Variants in SNTG1 observed in about 807,000 individuals in gnomAD.
SNTG1 encodes the protein gamma-1-syntrophin.
Under a neutral mutation model 74.7 loss-of-function variants are expected in SNTG1, and 39 were observed. That is an observed-to-expected ratio of 0.52 (90% confidence interval 0.40 to 0.68). SNTG1 has a LOEUF of 0.68. SNTG1 is among the 30% of genes least tolerant of loss of function. The pLI, the probability that SNTG1 is intolerant of heterozygous loss-of-function variation, is 0.00. For synonymous variants in SNTG1, 254 were observed against 217.1 expected, an observed-to-expected ratio of 1.17 and a Z score of -1.49; for missense variants, 685 against 609.5, an observed-to-expected ratio of 1.12 and a Z score of -1.30.
At chr8:50,309,826 CA>C (rs893387402) in intron 2 of SNTG1, among the ~76,000 whole-genome samples, 6 of 151,798 alleles carry the variant, frequency 4.0e-5, no homozygotes, top group Non-Finnish European at 7.4e-5. Flanking sequence ...TACTTAGTAT[CA>C]AAAAAAACCT....
intron 1 of SNTG1, among the ~76,000 whole-genome samples, chr8:49,969,387 CTTTT>C (rs575026898): frequency 8.2e-3 from 386 of 47,140 alleles, no homozygotes; most frequent in African/African-American, 0.019. Flanking sequence ...TTCATTTAAT[CTTTT>C]TTTTTTTTTT....
At chr8:50,245,067 A>T (rs916005821) in intron 2 of SNTG1, among the ~76,000 whole-genome samples, 1 of 152,108 alleles carries the variant, frequency 6.6e-6, no homozygotes, top group Non-Finnish European at 1.5e-5. Context: ...AGCAATTACA[A>T]CTCTCAAAGT....
intron 1 of SNTG1, among the ~76,000 whole-genome samples, chr8:50,144,218 C>T (rs1223384111): frequency 6.6e-6 from 1 of 152,164 alleles, no homozygotes; most frequent in Non-Finnish European, 1.5e-5. Flanking sequence ...ATTAAATGAC[C>T]TACTTTTTAG....
intron 2 of SNTG1, among the ~76,000 whole-genome samples, chr8:50,203,254 G>C (rs2084060970): frequency 6.6e-6 from 1 of 152,088 alleles, no homozygotes; most frequent in African/African-American, 2.4e-5. Context: ...TTTTCTGAGA[G>C]TTTTTATTTA....
intron 12 of SNTG1, among the ~76,000 whole-genome samples, chr8:50,558,860 T>C (rs968761696): frequency 3.3e-5 from 5 of 152,108 alleles, no homozygotes; most frequent in African/African-American, 4.8e-5. Context: ...CTAAAAGAAA[T>C]ATTCAGGGTA....
chr8:50,780,609 C>G (rs1003626958), intron 18 of SNTG1, among the ~76,000 whole-genome samples: 2 of 151,856 alleles, frequency 1.3e-5, no homozygotes, highest in African/African-American at 4.8e-5. Context: ...TCTTTATTAG[C>G]CTTGCTAGTG....
intron 15 of SNTG1, among the ~76,000 whole-genome samples, chr8:50,686,500 C>T (rs1025839013): frequency 2.0e-5 from 3 of 152,080 alleles, no homozygotes; most frequent in African/African-American, 7.2e-5. Context: ...GAAATTTAAA[C>T]TTGTATTCTC....
At chr8:50,742,639 A>G (rs1429450997) in intron 17 of SNTG1, among the ~76,000 whole-genome samples, 2 of 151,844 alleles carry the variant, frequency 1.3e-5, no homozygotes, top group Non-Finnish European at 2.9e-5. Context: ...GTAGAAAAAG[A>G]CGAGTAGACT....
At chr8:50,337,865 A>ATG (rs2091194064) in intron 2 of SNTG1, among the ~76,000 whole-genome samples, 2 of 152,194 alleles carry the variant, frequency 1.3e-5, no homozygotes, top group Non-Finnish European at 2.9e-5. Context: ...GGCCGGGCGC[A>ATG]GTGGCTCACG....
At chr8:50,253,891 A>G (rs1597430) in intron 2 of SNTG1, among the ~76,000 whole-genome samples, 85,252 of 151,298 alleles carry the variant, frequency 0.56, 27,686 homozygotes, top group East Asian at 0.83. Context: ...GCAGGGAGTA[A>G]AGCGAGGGGA....
chr8:50,471,253 T>C (rs941776796), intron 8 of SNTG1, among the ~76,000 whole-genome samples: 6 of 151,706 alleles, frequency 4.0e-5, no homozygotes, highest in Admixed American at 6.6e-5. Flanking sequence ...AATTTTTTTT[T>C]TTTTGGAGAC....
intron 15 of SNTG1, among the ~76,000 whole-genome samples, chr8:50,667,750 T>C (rs747796568): frequency 2.6e-4 from 40 of 152,066 alleles, no homozygotes; most frequent in Non-Finnish European, 5.1e-4. Context: ...ATTATATCCA[T>C]TTTCATTTTT....
chr8:50,566,196 A>G (rs889418145), intron 12 of SNTG1, among the ~76,000 whole-genome samples: 3 of 151,996 alleles, frequency 2.0e-5, no homozygotes, highest in Middle Eastern at 3.2e-3. Flanking sequence ...TATTTAATCA[A>G]TGTCATTACT....
At chr8:50,598,768 G>A (rs2094750486) in intron 13 of SNTG1, among the ~76,000 whole-genome samples, 1 of 151,696 alleles carries the variant, frequency 6.6e-6, no homozygotes, top group African/African-American at 2.4e-5. Context: ...ATGCTTTATA[G>A]TTTTTATTAT....
intron 17 of SNTG1, among the ~76,000 whole-genome samples, chr8:50,736,779 CT>C (rs2095529917): frequency 6.6e-6 from 1 of 152,152 alleles, no homozygotes; most frequent in South Asian, 2.1e-4. Flanking sequence ...TCAGTCAAAA[CT>C]GTACAACTAC....
intron 2 of SNTG1, among the ~76,000 whole-genome samples, chr8:50,282,701 G>A (rs1365026066): frequency 6.6e-6 from 1 of 152,130 alleles, no homozygotes; most frequent in Non-Finnish European, 1.5e-5. Context: ...AGGAGGCGGA[G>A]GTTGCAGTGA....
At chr8:50,704,901 G>A in intron 16 of SNTG1, 149 bp downstream of exon 16, 1 of 883,960 alleles carries the variant, frequency 1.1e-6, no homozygotes, top group Non-Finnish European at 1.7e-6. Flanking sequence ...TTTTTGTTTA[G>A]TGACTAGTAA....
At chr8:49,985,052 G>A (rs1268800354) in intron 1 of SNTG1, among the ~76,000 whole-genome samples, 1 of 152,078 alleles carries the variant, frequency 6.6e-6, no homozygotes, top group East Asian at 1.9e-4. Context: ...GATTCCTAAG[G>A]TACTAAAATG....
chr8:50,449,965 AG>A (rs2093440886), intron 6 of SNTG1, among the ~76,000 whole-genome samples: 2 of 152,178 alleles, frequency 1.3e-5, no homozygotes, highest in Admixed American at 1.3e-4. Context: ...AGCAGGTATG[AG>A]TTAGGGACTA....
Sources: allele counts gnomAD v4.1 joint callset (sites outside exome capture counted in the v4.1 genomes callset), GRCh38; gene constraint gnomAD v4.1.1; transcripts MANE v1.5; gene names NCBI Gene and HGNC (gene_info 2026-07-23, HGNC 2026-07-21).